RAP1GAP2: variants seen among roughly 807,000 people sequenced by gnomAD.
RAP1GAP2 encodes the protein rap1 GTPase-activating protein 2.
In RAP1GAP2, 27 loss-of-function variants were observed where a neutral mutation model predicts 95.0. The observed-to-expected ratio is 0.28, with a 90% CI of 0.21 to 0.39. The LOEUF is 0.39. RAP1GAP2 is among the 10% of genes least tolerant of loss of function. RAP1GAP2 has a pLI of 1.00. For synonymous variants in RAP1GAP2, 373 were observed against 380.9 expected (o/e 0.98, Z 0.24); for missense variants, 771 against 970.0 (o/e 0.79, Z 2.72).
chr17:2,986,300 A>G (rs2045555731), intron 11 of RAP1GAP2, among the ~76,000 whole-genome samples: 1 of 152,218 alleles, frequency 6.6e-6, no homozygotes, highest in Non-Finnish European at 1.5e-5. Context: ...GAGATTATTC[A>G]GGTAGCTACT....
rs557870373 is a variant in RAP1GAP2 at position 2,989,001 on chromosome 17, G to A, written c.814-2296G>A. On this transcript the variant is annotated intron_variant, in intron 11 of 24. Transcript: ENST00000254695. Reference sequence around the variant, plus strand: ...TTGAACCTGGGAGGCAGAGGTTGCCGTGAGCCGAGATTGCACCACTGCACT... The same window carrying A: ...TTGAACCTGGGAGGCAGAGGTTGCCATGAGCCGAGATTGCACCACTGCACT... 3.8e-3 allele frequency among the ~76,000 whole-genome samples: 579 copies of A among 152,124 alleles called. 1 individual carries two copies. The highest frequency in any genetic ancestry group is 0.013 in the African/African-American group (527 of 41,524).
Position 3,026,924 on chromosome 17 carries a change from C to T in RAP1GAP2, c.1981-20C>T, listed in dbSNP as rs748972451. On this transcript the variant is annotated intron_variant, in intron 21 of 24. Coordinates refer to ENST00000254695, the MANE Select transcript of RAP1GAP2 (RefSeq NM_015085.5). Reference sequence around the variant, plus strand: ...CTGCCGAGGGTGGGCTGGCCTCGCTCACCCTGCCTCTCTCCTCAGGGCAGC... The same window carrying T: ...CTGCCGAGGGTGGGCTGGCCTCGCTTACCCTGCCTCTCTCCTCAGGGCAGC... 1.9e-6 allele frequency: 3 copies of T among 1,547,688 alleles called. No homozygotes were observed. Among genetic ancestry groups the T allele is most frequent in the Non-Finnish European group, 2.6e-6 (3 of 1,144,980 alleles).
chr17:2,893,215 A>T (rs1470238364), intron 2 of RAP1GAP2, among the ~76,000 whole-genome samples: 1 of 151,458 alleles, frequency 6.6e-6, no homozygotes, highest in African/African-American at 2.4e-5. Context: ...TTTATTTTTT[A>T]TTTTTAGTAG....
chr17:2,935,078 T>C (rs2151420172), intron 3 of RAP1GAP2, among the ~76,000 whole-genome samples: 1 of 152,344 alleles, frequency 6.6e-6, no homozygotes, highest in South Asian at 2.1e-4. Context: ...GGCTCAAAAC[T>C]TGGCCCCTGG....
intron 2 of RAP1GAP2, among the ~76,000 whole-genome samples, chr17:2,801,781 T>G (rs1409854731): frequency 6.6e-6 from 1 of 152,142 alleles, no homozygotes; most frequent in Non-Finnish European, 1.5e-5. Flanking sequence ...GTGTATCTCT[T>G]GGTCCGTCTG....
Position 3,029,969 on chromosome 17 carries a change from GATGAATGTGTGTAATTCTGAC to G in RAP1GAP2, c.2108-943_2108-923del, listed in dbSNP as rs941559962. On this transcript the variant is annotated intron_variant, in intron 22 of 24. Transcript: ENST00000254695. The surrounding 1 kb of genome is among the most constrained non-coding windows in gnomAD (Gnocchi z 4.4). ...CTGTAGCCAACTTAAGGCTGCAGGA[GATGAATGTGTGTAATTCTGAC>G]ATGAATGTGGACTGATATTACCATG... Among the ~76,000 whole-genome samples the G allele has an allele frequency of 6.6e-6, 1 of 151,622 alleles. No individual in the cohort carries two copies. The highest frequency in any genetic ancestry group is 2.4e-5 in the African/African-American group (1 of 41,360).
intron 1 of RAP1GAP2, among the ~76,000 whole-genome samples, chr17:2,789,607 TAAAAAAAAA>T (rs546111176): frequency 1.3e-5 from 1 of 74,810 alleles, no homozygotes; most frequent in Non-Finnish European, 2.4e-5. Context: ...CAGTCTCTAC[TAAAAAAAAA>T]AAAAAAAAAA....
intron 2 of RAP1GAP2, among the ~76,000 whole-genome samples, chr17:2,868,581 G>A (rs943822338): frequency 6.1e-5 from 9 of 146,418 alleles, no homozygotes; most frequent in African/African-American, 1.5e-4. Context: ...GCAGTGGCAC[G>A]ATCTCAGCTC....
At position 2,827,065 on chromosome 17, in the gene RAP1GAP2, A is replaced by G. The variant is rs1282244778; in HGVS notation, c.80+26515A>G. 6.6e-6 allele frequency among the ~76,000 whole-genome samples: 1 copy of G among 152,178 alleles called. No individual in the cohort carries two copies. The highest frequency in any genetic ancestry group is 1.5e-5 in the Non-Finnish European group (1 of 68,036). On this transcript the variant is annotated intron_variant, in intron 2 of 24. Transcript: ENST00000254695. This position sits in a 1 kb window ranked among gnomAD's most constrained non-coding sequence, Gnocchi z 4.1. ...GAGAAAGAAAGAAAGAGAAAGTCCC[A>G]TGGAAATGGGGGTTTCACATTTGGG...
Position 2,780,261 on chromosome 17 carries a change from G to A in RAP1GAP2, c.-14+2983G>A, listed in dbSNP as rs907669011. ...GGACAGGGTTTCTCCATGTTGGTCA[G>A]GCTGGTCTCGAACTCCTGACCTCAG... On this transcript the variant is annotated intron_variant, in intron 1 of 24. Coordinates refer to the RAP1GAP2 transcript ENST00000540393. 3.9e-5 allele frequency among the ~76,000 whole-genome samples: 6 copies of A among 152,204 alleles called. 1 individual carries two copies. The highest frequency in any genetic ancestry group is 8.8e-5 in the Non-Finnish European group (6 of 68,036).
At chr17:2,887,986 C>G (rs191008847) in intron 2 of RAP1GAP2, among the ~76,000 whole-genome samples, 15 of 152,248 alleles carry the variant, frequency 9.9e-5, no homozygotes, top group African/African-American at 3.4e-4. Flanking sequence ...ACTATTATCT[C>G]TACTATCTGT....
At chr17:2,816,558 C>T (rs575438787) in intron 2 of RAP1GAP2, among the ~76,000 whole-genome samples, 3 of 151,696 alleles carry the variant, frequency 2.0e-5, no homozygotes, top group African/African-American at 7.3e-5. Context: ...AGGCTGGTCT[C>T]GAACTCCTGA....
At chr17:2,861,152 A>G (rs1448593371) in intron 2 of RAP1GAP2, among the ~76,000 whole-genome samples, 2 of 151,948 alleles carry the variant, frequency 1.3e-5, no homozygotes, top group East Asian at 3.9e-4. Flanking sequence ...CTTCACTCAC[A>G]TGGCATCTCT....
intron 2 of RAP1GAP2, among the ~76,000 whole-genome samples, chr17:2,806,704 ATTATTT>A (rs997545527): frequency 2.0e-5 from 3 of 148,438 alleles, no homozygotes; most frequent in African/African-American, 7.5e-5. Context: ...GTCTATTATT[ATTATTT>A]TTATTTATTA....
chr17:3,000,418 C>T (rs184838082), intron 14 of RAP1GAP2, among the ~76,000 whole-genome samples: 363 of 151,652 alleles, frequency 2.4e-3, no homozygotes, highest in African/African-American at 8.1e-3. Context: ...AGCCTCAGGG[C>T]CTTCCTGATG....
At chr17:2,951,027 C>A (rs952151925) in intron 3 of RAP1GAP2, among the ~76,000 whole-genome samples, 7 of 152,230 alleles carry the variant, frequency 4.6e-5, no homozygotes, top group African/African-American at 1.2e-4. Context: ...CTTCGACCAC[C>A]GGGCTCTGCT....
intron 7 of RAP1GAP2, 56 bp downstream of exon 7, chr17:2,964,124 G>T: frequency 6.7e-7 from 1 of 1,483,422 alleles, no homozygotes; most frequent in Non-Finnish European, 9.2e-7. Flanking sequence ...GGGGACGCTG[G>T]GAGAGAGGAG....
chr17:2,990,369 CAA>C (rs2045710116), intron 11 of RAP1GAP2, among the ~76,000 whole-genome samples: 1 of 151,896 alleles, frequency 6.6e-6, no homozygotes, highest in African/African-American at 2.4e-5. Context: ...TGCCCGGGAG[CAA>C]AGTTGCCAGA....
intron 22 of RAP1GAP2, among the ~76,000 whole-genome samples, chr17:3,030,552 G>A (rs1282656156): frequency 6.6e-6 from 1 of 152,160 alleles, no homozygotes; most frequent in Non-Finnish European, 1.5e-5. Context: ...ATATACTGTA[G>A]CCACCATCTT....
Sources: gnomAD v4.1 joint callset for allele counts (sites outside exome capture counted in the v4.1 genomes callset) on GRCh38, gnomAD v4.1.1 for gene constraint, Gnocchi (gnomAD v3.1) non-coding constraint, MANE v1.5 for transcripts, NCBI Gene and HGNC (gene_info 2026-07-23, HGNC 2026-07-21) for gene names.